LYPLAL1: variants seen among roughly 807,000 people sequenced by gnomAD.
LYPLAL1 encodes the protein lysophospholipase-like protein 1.
In LYPLAL1, 23 loss-of-function variants were observed where a neutral mutation model predicts 19.7. That is an observed-to-expected ratio of 1.17 (90% CI 0.84 to 1.65). The LOEUF is 1.65. Ranked by LOEUF, LYPLAL1 falls within the 40% of genes most tolerant of loss-of-function variation. The probability of loss-of-function intolerance (pLI) is 0.00; values close to 1 mark genes in which losing one functional copy is unlikely to be tolerated. For synonymous variants in LYPLAL1, 119 were observed against 96.3 expected, an observed-to-expected ratio of 1.24 and a Z score of -1.38; for missense variants, 355 against 279.4, an observed-to-expected ratio of 1.27 and a Z score of -1.93.
At chr1:219,194,426 C>T (rs566132124) in intron 3 of LYPLAL1, among the ~76,000 whole-genome samples, 1 of 151,936 alleles carries the variant, frequency 6.6e-6, no homozygotes, top group Non-Finnish European at 1.5e-5. Context: ...TAAGTCCCCA[C>T]TATGTGCTAC....
At chr1:219,384,963 C>A in the LYPLAL1 span, among the ~76,000 whole-genome samples, 2 of 152,176 alleles carry the variant, frequency 1.3e-5, no homozygotes, top group Non-Finnish European at 2.9e-5. Context: ...GGTTGTACAA[C>A]AGGTCCAAAT....
At chr1:219,381,152 G>A in the LYPLAL1 span, among the ~76,000 whole-genome samples, 1 of 152,240 alleles carries the variant, frequency 6.6e-6, no homozygotes, top group Non-Finnish European at 1.5e-5. Context: ...ATCATGGGGT[G>A]GGTTTTCGCA....
the LYPLAL1 span, among the ~76,000 whole-genome samples, chr1:219,361,623 G>T: frequency 9.2e-5 from 14 of 152,080 alleles, no homozygotes; most frequent in Non-Finnish European, 1.8e-4. Flanking sequence ...GCACAAGAAA[G>T]GTTGATCCGA....
At chr1:219,429,078 G>A in the LYPLAL1 span, among the ~76,000 whole-genome samples, 14 of 152,194 alleles carry the variant, frequency 9.2e-5, no homozygotes, top group African/African-American at 3.4e-4. Context: ...GTTGCTTAGT[G>A]GGACTCTTCC....
chr1:219,321,401 C>T, the LYPLAL1 span, among the ~76,000 whole-genome samples: 1 of 152,190 alleles, frequency 6.6e-6, no homozygotes. Flanking sequence ...TGCCTGTTCA[C>T]TCTGATGGTA....
the LYPLAL1 span, among the ~76,000 whole-genome samples, chr1:219,332,903 C>G: frequency 6.8e-6 from 1 of 146,182 alleles, no homozygotes; most frequent in Non-Finnish European, 1.5e-5. Context: ...CTTGTTTATT[C>G]AAGCTGTTGG....
At chr1:219,396,607 G>A in the LYPLAL1 span, among the ~76,000 whole-genome samples, 1 of 152,112 alleles carries the variant, frequency 6.6e-6, no homozygotes, top group Non-Finnish European at 1.5e-5. Context: ...ATTTTGAGCA[G>A]TGTTTTGTAG....
chr1:219,217,362 ATTG>A (rs1374688746), downstream of LYPLAL1, among the ~76,000 whole-genome samples: 1 of 96,666 alleles, frequency 1.0e-5, no homozygotes, highest in Admixed American at 1.2e-4. Context: ...TATCGTTAGT[ATTG>A]TTTTGCCAGG....
At position 219,193,228 on chromosome 1, in the gene LYPLAL1, T is replaced by A; in HGVS notation, c.338T>A (p.Ile113Asn). 12 of 1,609,964 alleles carry A rather than the reference T, an allele frequency of 7.5e-6. No homozygotes were observed. Among genetic ancestry groups the A allele is most frequent in the Non-Finnish European group, 9.3e-6 (11 of 1,177,392 alleles). Residue 113 changes from isoleucine to asparagine, a missense_variant, in exon 3 of 5, where the codon ATC becomes AAC. Physicochemically the swap from Ile to Asn is moderately radical, Grantham distance 149. Coordinates refer to ENST00000366928, the MANE Select transcript of LYPLAL1 (RefSeq NM_138794.5). ...ATTGATGAAGAAGTAAAAAGTGGCA[T>A]CAAGAAGAACAGGATATTAATAGGT... Reference protein sequence around the residue: ...DLIDEEVKSGIKKNRILIGGF... With the variant: ...DLIDEEVKSGNKKNRILIGGF...
the LYPLAL1 span, among the ~76,000 whole-genome samples, chr1:219,306,285 G>A: frequency 6.6e-6 from 1 of 152,154 alleles, no homozygotes; most frequent in Non-Finnish European, 1.5e-5. Context: ...GTAACCAAAG[G>A]TTATTGGGAG....
intron 1 of LYPLAL1, among the ~76,000 whole-genome samples, chr1:219,177,631 G>A (rs1558217613): frequency 5.3e-5 from 8 of 152,140 alleles, no homozygotes; most frequent in Non-Finnish European, 1.5e-5. Context: ...TTTTACTGTT[G>A]ACCCTTTATA....
the LYPLAL1 span, among the ~76,000 whole-genome samples, chr1:219,427,358 CT>C: frequency 1.3e-5 from 2 of 152,154 alleles, no homozygotes; most frequent in South Asian, 4.1e-4. Context: ...TGGGTTACTC[CT>C]TTTGAAAATA....
At chr1:219,431,167 T>C in the LYPLAL1 span, among the ~76,000 whole-genome samples, 108 of 152,150 alleles carry the variant, frequency 7.1e-4, 1 homozygote, top group Non-Finnish European at 4.9e-4. Context: ...ATCCACACAG[T>C]ATGAAGGATG....
the LYPLAL1 span, among the ~76,000 whole-genome samples, chr1:219,285,520 G>A: frequency 1.3e-5 from 2 of 152,132 alleles, no homozygotes; most frequent in Non-Finnish European, 2.9e-5. Context: ...CTGTGCAATG[G>A]AATATTATAC....
the LYPLAL1 span, among the ~76,000 whole-genome samples, chr1:219,362,828 C>A: frequency 1.9e-4 from 29 of 151,888 alleles, no homozygotes; most frequent in African/African-American, 6.5e-4. Flanking sequence ...GGGAGATCAA[C>A]CAGTCATACT....
chr1:219,318,374 C>A, the LYPLAL1 span, among the ~76,000 whole-genome samples: 2 of 151,928 alleles, frequency 1.3e-5, no homozygotes, highest in African/African-American at 4.8e-5. Context: ...TGTGTTACCC[C>A]CACCCCTCCC....
the LYPLAL1 span, among the ~76,000 whole-genome samples, chr1:219,258,258 G>C: frequency 1.3e-5 from 2 of 152,004 alleles, no homozygotes; most frequent in Non-Finnish European, 2.9e-5. Flanking sequence ...AATCATCACA[G>C]GGTCCTGAGG....
chr1:219,200,859 C>T (rs6672304), intron 3 of LYPLAL1, among the ~76,000 whole-genome samples: 21 of 152,326 alleles, frequency 1.4e-4, no homozygotes, highest in African/African-American at 3.6e-4. Context: ...TCTGTCTCCC[C>T]GGAGTTGCCT....
At chr1:219,320,007 A>C in the LYPLAL1 span, among the ~76,000 whole-genome samples, 1 of 152,238 alleles carries the variant, frequency 6.6e-6, no homozygotes, top group South Asian at 2.1e-4. Flanking sequence ...TAACGCTTAC[A>C]TAAAATATTG....
Sources: allele counts gnomAD v4.1 joint callset (sites outside exome capture counted in the v4.1 genomes callset), GRCh38; gene constraint gnomAD v4.1.1; transcripts MANE v1.5; gene names NCBI Gene and HGNC (gene_info 2026-07-23, HGNC 2026-07-21).